CDH4: variants seen among roughly 807,000 people sequenced by gnomAD.
CDH4 encodes the protein cadherin 4.
A neutral mutation model predicts 86.0 loss-of-function variants in CDH4; 33 were observed. The observed-to-expected ratio is 0.38, with a 90% CI of 0.29 to 0.51. The LOEUF is 0.51. Among genes scored for constraint, CDH4 ranks in the 20% least tolerant of loss-of-function variants. The pLI is 0.86. For missense variants in CDH4, 1,114 were observed against 1,307.4 expected (o/e 0.85, Z 2.28); for synonymous variants, 555 against 549.4 (o/e 1.01, Z -0.14).
chr20:61,481,589 C>T (rs2085568471), intron 2 of CDH4, among the ~76,000 whole-genome samples: 1 of 152,212 alleles, frequency 6.6e-6, no homozygotes, highest in Non-Finnish European at 1.5e-5. Context: ...ATACAGTAAA[C>T]ATTTCTTTAG....
rs2055204350 is a variant in CDH4, at chr20:61,937,237, A to AT, written c.*294_*295insT. The stretch of plus-strand genomic sequence containing the variant: ...TGTTTTTAAAAAAAAAAAAAAAAAA[A>AT]GAAGAAAGAAAGAAAAAAAAAAAAA... On this transcript the variant is annotated 3_prime_UTR_variant, in exon 16 of 16. Transcript: ENST00000614565. The AT allele has an allele frequency of 6.4e-6, 1 of 156,844 alleles. No homozygotes were observed. The highest frequency in any genetic ancestry group is 1.5e-4 in the East Asian group (1 of 6,520). The allele number at this position is 156,844 out of a possible 1,614,324, so 9.7% of individuals were successfully genotyped here.
intron 2 of CDH4, among the ~76,000 whole-genome samples, chr20:61,493,686 G>A (rs1379226745): frequency 1.3e-5 from 2 of 152,190 alleles, no homozygotes; most frequent in Non-Finnish European, 2.9e-5. Flanking sequence ...GTCTTGTCTG[G>A]TTTAGTCTTC....
At chr20:61,331,683 C>CA (rs2084579702) in intron 2 of CDH4, among the ~76,000 whole-genome samples, 2 of 144,472 alleles carry the variant, frequency 1.4e-5, no homozygotes, top group Admixed American at 6.9e-5. Context: ...CCTCCTGCCC[C>CA]GGCCACCTGC....
intron 2 of CDH4, among the ~76,000 whole-genome samples, chr20:61,426,310 A>G (rs1041985793): frequency 6.6e-5 from 10 of 152,170 alleles, no homozygotes; most frequent in Admixed American, 5.9e-4. Flanking sequence ...AGGATGGGAA[A>G]TATAGGAAGA....
chr20:61,542,959 C>T (rs1374569543), intron 2 of CDH4, among the ~76,000 whole-genome samples: 1 of 152,204 alleles, frequency 6.6e-6, no homozygotes, highest in Non-Finnish European at 1.5e-5. Context: ...GCCTGAGCAC[C>T]CCTGGCAAAC....
chr20:61,322,235 C>T (rs2084512774), intron 2 of CDH4, among the ~76,000 whole-genome samples: 1 of 152,214 alleles, frequency 6.6e-6, no homozygotes, highest in South Asian at 2.1e-4. Flanking sequence ...ATTTGACTAA[C>T]TACCCCCCAT....
At chr20:61,275,891 G>A (rs1361985015) in intron 2 of CDH4, among the ~76,000 whole-genome samples, 1 of 152,072 alleles carries the variant, frequency 6.6e-6, no homozygotes, top group Non-Finnish European at 1.5e-5. Context: ...ACTGCTCTTG[G>A]TGAGACTGTA....
intron 2 of CDH4, among the ~76,000 whole-genome samples, chr20:61,434,428 C>CTGCG: frequency 6.6e-6 from 1 of 152,318 alleles, no homozygotes; most frequent in Admixed American, 6.5e-5. Flanking sequence ...TTGTGGAACA[C>CTGCG]TGCGATGCAT....
chr20:61,279,487 C>G (rs1373676878), intron 2 of CDH4, among the ~76,000 whole-genome samples: 1 of 151,904 alleles, frequency 6.6e-6, no homozygotes, highest in Admixed American at 6.6e-5. Context: ...GGCTCAGCTC[C>G]TAGGGGTGGG....
Position 61,633,097 on chromosome 20 carries a change from T to C in CDH4, c.170-110466T>C, listed in dbSNP as rs77619822. Among the ~76,000 whole-genome samples, 578 of 151,292 alleles carry C rather than the reference T, an allele frequency of 3.8e-3. 4 individuals are homozygous for C. The highest frequency in any genetic ancestry group is 0.013 in the African/African-American group (547 of 41,198). ...ATCTATCCATCTATCTGTTCATCTA[T>C]CCATCCATCCATCCGTCCATTCACC... is the stretch of plus-strand genomic sequence containing the variant. On this transcript the variant is annotated intron_variant, in intron 2 of 15. Transcript: ENST00000614565.
chr20:61,764,115 C>A (rs1396754762), intron 3 of CDH4, among the ~76,000 whole-genome samples: 1 of 152,148 alleles, frequency 6.6e-6, no homozygotes, highest in Non-Finnish European at 1.5e-5. Context: ...AGAGCAAGAC[C>A]CAGGCGGGGA....
chr20:61,687,088 G>A (rs190003031), intron 2 of CDH4, among the ~76,000 whole-genome samples: 3 of 152,230 alleles, frequency 2.0e-5, no homozygotes, highest in East Asian at 1.9e-4. Flanking sequence ...TTGATTAGGC[G>A]ACCTCCCCGC....
At chr20:61,380,728 C>T (rs114273800) in intron 2 of CDH4, among the ~76,000 whole-genome samples, 3,024 of 152,244 alleles carry the variant, frequency 0.02, 98 homozygotes, top group African/African-American at 0.068. Flanking sequence ...TATGGCAGCC[C>T]GCATGGTTGT....
intron 2 of CDH4, among the ~76,000 whole-genome samples, chr20:61,700,856 A>C (rs555208716): frequency 1.3e-5 from 2 of 152,326 alleles, no homozygotes; most frequent in African/African-American, 2.4e-5. Flanking sequence ...TCAAAGCTGG[A>C]GTGCCTGATC....
intron 2 of CDH4, among the ~76,000 whole-genome samples, chr20:61,292,000 C>T (rs772402626): frequency 7.9e-5 from 12 of 152,108 alleles, no homozygotes; most frequent in African/African-American, 2.4e-4. Flanking sequence ...ATGCGGTATT[C>T]GGTTTTCTGT....
intron 2 of CDH4, among the ~76,000 whole-genome samples, chr20:61,732,688 A>T (rs1280914456): frequency 2.0e-5 from 3 of 152,142 alleles, no homozygotes; most frequent in African/African-American, 4.8e-5. Flanking sequence ...CTCATCACGC[A>T]TGGTCCCCCA....
At chr20:61,844,234 A>AT (rs1381157825) in intron 4 of CDH4, among the ~76,000 whole-genome samples, 1 of 152,104 alleles carries the variant, frequency 6.6e-6, no homozygotes, top group African/African-American at 2.4e-5. Flanking sequence ...CCATCATTCA[A>AT]TTGTTTTCTA....
intron 2 of CDH4, among the ~76,000 whole-genome samples, chr20:61,426,302 G>A (rs1189479053): frequency 2.6e-5 from 4 of 152,124 alleles, no homozygotes; most frequent in Admixed American, 6.5e-5. Flanking sequence ...ATATATTAAG[G>A]ATGGGAAATA....
intron 2 of CDH4, among the ~76,000 whole-genome samples, chr20:61,404,822 A>G (rs960861278): frequency 2.0e-5 from 3 of 151,858 alleles, no homozygotes; most frequent in African/African-American, 7.3e-5. Flanking sequence ...AGGCTGAGGC[A>G]GGTGAATCAT....
Sources: allele counts gnomAD v4.1 joint callset (sites outside exome capture counted in the v4.1 genomes callset), GRCh38; gene constraint gnomAD v4.1.1; transcripts MANE v1.5; gene names NCBI Gene and HGNC (gene_info 2026-07-23, HGNC 2026-07-21).